The following DIAPH3 variants were observed in gnomAD, a reference collection of about 807,000 sequenced individuals.
DIAPH3 encodes protein diaphanous homolog 3.
DIAPH3 carries 117 observed loss-of-function variants against 144.3 expected under a neutral mutation model. The observed-to-expected ratio is 0.81, with a 90% CI of 0.70 to 0.95. The LOEUF (loss-of-function observed/expected upper bound fraction) is 0.95. Among genes scored for constraint, DIAPH3 ranks in the 40% least tolerant of loss-of-function variants. The pLI, the probability that DIAPH3 is intolerant of heterozygous loss-of-function variation, is 0.00. For missense variants in DIAPH3, 1,421 were observed against 1,412.7 expected (o/e 1.01, Z -0.09); for synonymous variants, 519 against 488.9 (o/e 1.06, Z -0.81).
intron 4 of DIAPH3, among the ~76,000 whole-genome samples, chr13:60,057,114 C>T (rs192412056): frequency 6.6e-5 from 10 of 151,786 alleles, no homozygotes; most frequent in East Asian, 3.9e-4. Context: ...AAACTATCTC[C>T]GTTTGTTGAT....
intron 4 of DIAPH3, among the ~76,000 whole-genome samples, chr13:60,049,101 T>C (rs556286303): frequency 6.6e-6 from 1 of 152,314 alleles, no homozygotes; most frequent in African/African-American, 2.4e-5. Flanking sequence ...AATTCACTAC[T>C]GATAAATGCA....
At chr13:59,874,987 CAT>C (rs1214407106) in intron 21 of DIAPH3, among the ~76,000 whole-genome samples, 2 of 152,066 alleles carry the variant, frequency 1.3e-5, no homozygotes, top group African/African-American at 4.8e-5. Flanking sequence ...AAAATTATCT[CAT>C]ATATTTTAAT....
rs1594219123 is a variant in DIAPH3 at position 59,983,703 on chromosome 13, T to C, written c.1480+66A>G. The C allele has an allele frequency of 5.4e-6, 6 of 1,103,772 alleles. No individual in the cohort carries two copies. In the African/African-American group the frequency reaches 6.3e-5, roughly 12 times the overall value. The allele number at this position is 1,103,772 out of a possible 1,614,324, so 68.4% of individuals were successfully genotyped here. The stretch of plus-strand genomic sequence containing the variant: ...TCCAGAGACACAACCCGAGAACCAA[T>C]GCCCTAGAGCTCATTCATAGAATAA... On this transcript the variant is annotated intron_variant, in intron 13 of 27. Coordinates refer to ENST00000400324, the MANE Select transcript of DIAPH3 (RefSeq NM_001042517.2).
intron 20 of DIAPH3, among the ~76,000 whole-genome samples, chr13:59,898,631 C>T (rs1422738461): frequency 6.6e-6 from 1 of 152,100 alleles, no homozygotes; most frequent in Non-Finnish European, 1.5e-5. Context: ...TTGTTTGAGG[C>T]ATTAGGAATT....
intron 25 of DIAPH3, among the ~76,000 whole-genome samples, chr13:59,789,568 G>A (rs1198425213): frequency 1.3e-5 from 2 of 151,982 alleles, no homozygotes; most frequent in Non-Finnish European, 2.9e-5. Context: ...GAATAATATC[G>A]GTAATTTCAC....
chr13:60,059,038 TATTA>T (rs751151702), intron 4 of DIAPH3, among the ~76,000 whole-genome samples: 2 of 151,846 alleles, frequency 1.3e-5, no homozygotes, highest in Non-Finnish European at 2.9e-5. Flanking sequence ...AAATTAAAAA[TATTA>T]ATTAGATTAA....
chr13:59,963,408 G>T (rs2140511275), intron 17 of DIAPH3, among the ~76,000 whole-genome samples: 1 of 152,130 alleles, frequency 6.6e-6, no homozygotes, highest in Non-Finnish European at 1.5e-5. Context: ...ACATCAAAAT[G>T]CTACATAGAA....
At chr13:60,020,798 A>T (rs2053964674) in intron 5 of DIAPH3, 1 of 152,244 alleles carries the variant, frequency 6.6e-6, no homozygotes, top group Non-Finnish European at 1.5e-5. Flanking sequence ...GTCGAACAAA[A>T]TTATTTCCAT....
chr13:59,880,309 A>G (rs781000095), intron 20 of DIAPH3, among the ~76,000 whole-genome samples: 1 of 152,202 alleles, frequency 6.6e-6, no homozygotes, highest in Non-Finnish European at 1.5e-5. Flanking sequence ...TCCTTGACCA[A>G]ACACACTAGG....
At chr13:59,825,649 C>T (rs1566370102) in intron 24 of DIAPH3, among the ~76,000 whole-genome samples, 1 of 152,184 alleles carries the variant, frequency 6.6e-6, no homozygotes, top group Non-Finnish European at 1.5e-5. Context: ...TACAGTCCTA[C>T]CAACAGTGTA....
In DIAPH3 at chr13:59,917,672, C is replaced by T. The variant is rs919450053; in HGVS notation, c.2171-1423G>A. On this transcript the variant is annotated intron_variant, in intron 18 of 27. Coordinates refer to ENST00000400324, the MANE Select transcript of DIAPH3 (RefSeq NM_001042517.2). ...TTGGGAGGCAGAGGCAGGCGGATCA[C>T]GAGGTCAGCAGATCGAGATCATCTT... Among the ~76,000 whole-genome samples the T allele has an allele frequency of 3.3e-5, 5 of 151,906 alleles. No homozygotes were observed. The East Asian group carries it at 7.8e-4, about 24-fold the overall frequency.
chr13:59,751,096 C>T (rs1003404161), intron 27 of DIAPH3, among the ~76,000 whole-genome samples: 1 of 152,270 alleles, frequency 6.6e-6, no homozygotes, highest in African/African-American at 2.4e-5. Flanking sequence ...TGCTCTACAA[C>T]TGTGCTAGTT....
At chr13:59,777,850 G>A (rs2038506600) in intron 25 of DIAPH3, among the ~76,000 whole-genome samples, 1 of 152,130 alleles carries the variant, frequency 6.6e-6, no homozygotes, top group Admixed American at 6.5e-5. Context: ...TAGATTAAAA[G>A]AGACTAAAGA....
chr13:60,085,648 T>C (rs1168489803), intron 4 of DIAPH3, among the ~76,000 whole-genome samples: 1 of 152,138 alleles, frequency 6.6e-6, no homozygotes, highest in Non-Finnish European at 1.5e-5. Flanking sequence ...ATTTCATCAA[T>C]TACTTAGCCC....
intron 27 of DIAPH3, among the ~76,000 whole-genome samples, chr13:59,671,383 A>G (rs78248253): frequency 0.031 from 4,728 of 152,264 alleles, 267 homozygotes; most frequent in African/African-American, 0.11. Flanking sequence ...TCTCAACTCA[A>G]CTCTTCACCA....
At chr13:59,843,736 T>C (rs1407830583) in intron 22 of DIAPH3, among the ~76,000 whole-genome samples, 1 of 152,238 alleles carries the variant, frequency 6.6e-6, no homozygotes, top group Non-Finnish European at 1.5e-5. Context: ...TTAAATGTAA[T>C]TGACCAACCT....
intron 4 of DIAPH3, among the ~76,000 whole-genome samples, chr13:60,049,885 T>C (rs1231481564): frequency 1.3e-5 from 2 of 152,180 alleles, no homozygotes; most frequent in Non-Finnish European, 2.9e-5. Flanking sequence ...ATATCTTTTG[T>C]TCTAAGAAAA....
At chr13:59,748,985 G>C (rs1473299528) in intron 27 of DIAPH3, among the ~76,000 whole-genome samples, 2 of 151,782 alleles carry the variant, frequency 1.3e-5, no homozygotes, top group South Asian at 2.1e-4. Context: ...AGGCCGAGGT[G>C]TGTGGATTAC....
chr13:60,036,190 T>A (rs2055196030), intron 5 of DIAPH3, among the ~76,000 whole-genome samples: 1 of 152,206 alleles, frequency 6.6e-6, no homozygotes, highest in Non-Finnish European at 1.5e-5. Context: ...CAATCTTCAA[T>A]CTGTCAGTGT....
Sources: allele counts gnomAD v4.1 joint callset (sites outside exome capture counted in the v4.1 genomes callset), GRCh38; gene constraint gnomAD v4.1.1; transcripts MANE v1.5; gene names NCBI Gene and HGNC (gene_info 2026-07-23, HGNC 2026-07-21).